Variants in KCNK9 observed in about 807,000 individuals in gnomAD.
KCNK9 encodes potassium two pore domain channel subfamily K member 9, also known as potassium channel subfamily K member 9.
A neutral mutation model predicts 10.8 loss-of-function variants in KCNK9; 1 was observed. The ratio of observed to expected loss-of-function variants is 0.09; its 90% CI spans 0.03 to 0.44. KCNK9 has a LOEUF of 0.44. Among genes scored for constraint, KCNK9 ranks in the 20% least tolerant of loss-of-function variants. The pLI is 0.97. For synonymous variants in KCNK9, 231 were observed against 222.7 expected (o/e 1.04, Z -0.33); for missense variants, 303 against 515.0 (o/e 0.59, Z 3.98).
chr8:139,659,422 C>G (rs747846307), intron 1 of KCNK9, among the ~76,000 whole-genome samples: 73 of 152,208 alleles, frequency 4.8e-4, no homozygotes, highest in Non-Finnish European at 9.1e-4. Context: ...CTCCTCTCCC[C>G]CTATCCTCCA....
At chr8:139,669,530 G>GAACT (rs1196675488) in intron 1 of KCNK9, among the ~76,000 whole-genome samples, 1 of 152,202 alleles carries the variant, frequency 6.6e-6, no homozygotes, top group African/African-American at 2.4e-5. Flanking sequence ...CCATAAGAAG[G>GAACT]AACTCCTCAT....
rs911761469 is a variant in KCNK9 at position 139,702,656 on chromosome 8, C to T, written c.283+54G>A. ...CAGCCCGGCGCGGCGCGCTCAGCCG[C>T]CTCCCCGGACTCCTCCCGGGGCGCG... On this transcript the variant is annotated intron_variant, in intron 1 of 1. Transcript: ENST00000520439. The surrounding 1 kb of genome is among the most constrained non-coding windows in gnomAD (Gnocchi z 7.5). 1.7e-5 allele frequency: 26 copies of T among 1,533,288 alleles called. No individual in the cohort carries two copies. Among genetic ancestry groups the T allele is most frequent in the Non-Finnish European group, 2.0e-5 (23 of 1,140,298 alleles). The allele number at this position is 1,533,288 out of a possible 1,614,324, so 95.0% of individuals were successfully genotyped here. A position where few individuals can be genotyped will look rare whatever the true frequency, so the allele number is the denominator to read the frequency against.
At chr8:139,689,366 C>T (rs1461544902) in intron 1 of KCNK9, among the ~76,000 whole-genome samples, 1 of 152,124 alleles carries the variant, frequency 6.6e-6, no homozygotes, top group Non-Finnish European at 1.5e-5. Context: ...CACTTGGAAA[C>T]CAAAGCTATG....
chr8:139,653,239 T>C lies in KCNK9; in HGVS notation c.284-34140A>G, dbSNP rs140939318. On this transcript the variant is annotated intron_variant, in intron 1 of 1. Transcript: ENST00000520439. ...GAGCCCTCTTTTTAAATGAATTTTA[T>C]CATAAGATGCCACAGATATATGGCC... Among the ~76,000 whole-genome samples the C allele has an allele frequency of 5.3e-5, 8 of 152,294 alleles. No homozygotes were observed. In the East Asian group the frequency reaches 1.2e-3, roughly 22 times the overall value.
intron 1 of KCNK9, among the ~76,000 whole-genome samples, chr8:139,656,513 A>G (rs1259987736): frequency 1.3e-5 from 2 of 152,184 alleles, no homozygotes; most frequent in African/African-American, 4.8e-5. Context: ...CGCCAGGTGC[A>G]GACAGATGAG....
At chr8:139,694,589 C>T (rs2129803889) in intron 1 of KCNK9, among the ~76,000 whole-genome samples, 1 of 152,348 alleles carries the variant, frequency 6.6e-6, no homozygotes, top group Admixed American at 6.5e-5. Context: ...GGCATCATGG[C>T]CCATTCATTG....
intron 1 of KCNK9, among the ~76,000 whole-genome samples, chr8:139,634,064 C>T (rs73358031): frequency 0.044 from 6,642 of 152,376 alleles, 453 homozygotes; most frequent in African/African-American, 0.15. Context: ...TACCACACCT[C>T]GCCTGCTGGT....
chr8:139,641,725 C>G (rs1815512273), intron 1 of KCNK9, among the ~76,000 whole-genome samples: 1 of 152,192 alleles, frequency 6.6e-6, no homozygotes, highest in Admixed American at 6.5e-5. Flanking sequence ...CCCTAGGAGC[C>G]CTTGTCCCTG....
At chr8:139,606,567 C>T (rs1054841235) in intron 2 of KCNK9, among the ~76,000 whole-genome samples, 1 of 152,160 alleles carries the variant, frequency 6.6e-6, no homozygotes, top group Non-Finnish European at 1.5e-5. Flanking sequence ...TCTTCTATGC[C>T]TGGAGTCAAA....
At chr8:139,635,569 A>G (rs777366788) in intron 1 of KCNK9, among the ~76,000 whole-genome samples, 4 of 152,226 alleles carry the variant, frequency 2.6e-5, no homozygotes, top group Non-Finnish European at 5.9e-5. Context: ...CAAAACCAGA[A>G]AAGAAATGGA....
intron 1 of KCNK9, among the ~76,000 whole-genome samples, chr8:139,644,817 C>T (rs918252708): frequency 6.6e-6 from 1 of 152,106 alleles, no homozygotes; most frequent in African/African-American, 2.4e-5. Context: ...GGGCCACCTC[C>T]GCTGGGCCCC....
rs142417333 is a variant in KCNK9 at position 139,646,038 on chromosome 8, C to T, written c.284-26939G>A. Among the ~76,000 whole-genome samples, 5 of 152,318 alleles carry T rather than the reference C, an allele frequency of 3.3e-5. No homozygotes were observed. In the East Asian group the frequency reaches 9.6e-4, roughly 29 times the overall value. Reference sequence around the variant, plus strand: ...GGGATGATGGCAGCTTCCCCAGGGTCCGTGCTCTCTGGCTCCCTCACCCCA... The same window carrying T: ...GGGATGATGGCAGCTTCCCCAGGGTTCGTGCTCTCTGGCTCCCTCACCCCA... On this transcript the variant is annotated intron_variant, in intron 1 of 1. Coordinates refer to ENST00000520439, the MANE Select transcript of KCNK9 (RefSeq NM_001282534.2).
chr8:139,657,689 T>C (rs1816054852), intron 1 of KCNK9, among the ~76,000 whole-genome samples: 1 of 152,178 alleles, frequency 6.6e-6, no homozygotes, highest in Non-Finnish European at 1.5e-5. Context: ...CCTTTCCCCA[T>C]ATGCAGAATG....
chr8:139,663,434 C>T (rs1816214268), intron 1 of KCNK9, among the ~76,000 whole-genome samples: 1 of 152,112 alleles, frequency 6.6e-6, no homozygotes, highest in African/African-American at 2.4e-5. Flanking sequence ...GACCCTCACA[C>T]ACCACCACCT....
chr8:139,653,052 C>T (rs1035927753), intron 1 of KCNK9, among the ~76,000 whole-genome samples: 15 of 152,188 alleles, frequency 9.9e-5, no homozygotes, highest in South Asian at 2.1e-4. Flanking sequence ...CCCATGCCAG[C>T]GCCCCAGCAC....
intron 1 of KCNK9, among the ~76,000 whole-genome samples, chr8:139,672,798 T>C (rs77926689): frequency 0.04 from 6,093 of 152,210 alleles, 255 homozygotes; most frequent in African/African-American, 0.11. Context: ...TGGGGGTCAC[T>C]TACATCCTAG....
chr8:139,632,738 T>G (rs1234539322), intron 1 of KCNK9, among the ~76,000 whole-genome samples: 1 of 152,116 alleles, frequency 6.6e-6, no homozygotes, highest in Non-Finnish European at 1.5e-5. Flanking sequence ...CTCCAGCTGT[T>G]AGGAGCCTGG....
intron 1 of KCNK9, among the ~76,000 whole-genome samples, chr8:139,676,004 T>C (rs1816541242): frequency 6.6e-6 from 1 of 152,188 alleles, no homozygotes; most frequent in East Asian, 1.9e-4. Flanking sequence ...AAATGTCCCA[T>C]AGCTGCCCAT....
chr8:139,613,459 C>A (rs772511291), downstream of KCNK9, among the ~76,000 whole-genome samples: 25 of 152,158 alleles, frequency 1.6e-4, no homozygotes, highest in South Asian at 2.1e-4. Context: ...GGTTTGTGAC[C>A]ACCATGGTTC....
Sources: allele counts gnomAD v4.1 joint callset (sites outside exome capture counted in the v4.1 genomes callset), GRCh38; gene constraint gnomAD v4.1.1; non-coding constraint Gnocchi (gnomAD v3.1); transcripts MANE v1.5; gene names NCBI Gene and HGNC (gene_info 2026-07-23, HGNC 2026-07-21).